Variants in RPH3AL observed in about 807,000 individuals in gnomAD.
The protein encoded by RPH3AL is rab effector Noc2.
A neutral mutation model predicts 43.1 loss-of-function variants in RPH3AL; 38 were observed. That is an observed-to-expected ratio of 0.88 (90% CI 0.68 to 1.15). RPH3AL has a LOEUF of 1.15. RPH3AL is among the 50% of genes most tolerant of loss of function. The pLI is 0.00. For missense variants in RPH3AL, 462 were observed against 423.2 expected, an observed-to-expected ratio of 1.09 and a Z score of -0.81; for synonymous variants, 189 against 176.3, an observed-to-expected ratio of 1.07 and a Z score of -0.57.
intron 6 of RPH3AL, among the ~76,000 whole-genome samples, chr17:267,538 A>G (rs904432689): frequency 3.3e-5 from 5 of 152,240 alleles, no homozygotes; most frequent in African/African-American, 1.2e-4. Flanking sequence ...ATGTTCTCCC[A>G]AGCCAAAGTG....
Position 215,583 on chromosome 17 carries a change from G to C in RPH3AL, c.876+71C>G, listed in dbSNP as rs907402292. 3 of 1,205,088 alleles carry C rather than the reference G, an allele frequency of 2.5e-6. No homozygotes were observed. Among genetic ancestry groups the C allele is most frequent in the Non-Finnish European group, 3.1e-6 (3 of 953,468 alleles). The allele number at this position is 1,205,088 out of a possible 1,614,324, so 74.6% of individuals were successfully genotyped here. A position where few individuals can be genotyped will look rare whatever the true frequency, so the allele number is the denominator to read the frequency against. On this transcript the variant is annotated intron_variant, in intron 9 of 9. Transcript: ENST00000331302. This position sits in a 1 kb window ranked among gnomAD's most constrained non-coding sequence, Gnocchi z 4.1. ...AACGTCACCGACCAGTCTCCAGTTT[G>C]GGAGGAGTGAGTGAGAGAGGACACG...
chr17:325,438 G>A (rs1458545502), intron 3 of RPH3AL, among the ~76,000 whole-genome samples: 1 of 152,010 alleles, frequency 6.6e-6, no homozygotes, highest in Admixed American at 6.5e-5. Flanking sequence ...ACAACACACT[G>A]ACCTCCGGCC....
At position 264,528 on chromosome 17, in the gene RPH3AL, C is replaced by T. The variant is rs1555547370; in HGVS notation, c.438+17240G>A. Among the ~76,000 whole-genome samples, 1 of 152,030 alleles carries T rather than the reference C, an allele frequency of 6.6e-6. No homozygotes were observed. The highest frequency in any genetic ancestry group is 1.5e-5 in the Non-Finnish European group (1 of 67,992). ...TGACAGCAGGATTACCCTTCGGAGC[C>T]GTGCGCGCTGGATGGGGACTCAGAA... On this transcript the variant is annotated intron_variant, in intron 6 of 9. Coordinates refer to ENST00000331302, the MANE Select transcript of RPH3AL (RefSeq NM_006987.4). This position sits in a 1 kb window ranked among gnomAD's most constrained non-coding sequence, Gnocchi z 4.8.
At position 320,281 on chromosome 17, in the gene RPH3AL, TCGGAGAACAC is replaced by T. The variant is rs377409040; in HGVS notation, c.222-742_222-733del. ...TGTTCCATGGGACCAGCGAAGGCTC[TCGGAGAACAC>T]GTGGACTCACAGCTGAAGAATGAGC... On this transcript the variant is annotated intron_variant, in intron 4 of 9. Coordinates refer to ENST00000331302, the MANE Select transcript of RPH3AL (RefSeq NM_006987.4). 2.5e-3 allele frequency among the ~76,000 whole-genome samples: 378 copies of T among 151,100 alleles called. 3 individuals carry two copies. Among genetic ancestry groups the T allele is most frequent in the African/African-American group, 9.0e-3 (365 of 40,768 alleles).
chr17:351,007 G>T (rs2045343219), intron 1 of RPH3AL, among the ~76,000 whole-genome samples: 2 of 152,232 alleles, frequency 1.3e-5, no homozygotes, highest in South Asian at 4.2e-4. Flanking sequence ...TCTCCTCCCA[G>T]CCCAGCCAGG....
At position 215,749 on chromosome 17, in the gene RPH3AL, A is replaced by G. The variant is rs951555587; in HGVS notation, c.781T>C (p.Ser261Pro). Reference protein sequence around the residue: ...MGFTHPPGHLSGCQSSLASGE... With the variant: ...MGFTHPPGHLPGCQSSLASGE... ...CTGGCCAGGCTGCTCTGGCACCCAG[A>G]GAGGTGGCCCGGCGGGTGGGTGAAC... The change falls in exon 9 of 10, where the codon TCT becomes CCT. Residue 261 changes from serine (S) to proline (P), a missense_variant. Physicochemically the swap from Ser to Pro is moderately conservative, Grantham distance 74. Coordinates refer to ENST00000331302, the MANE Select transcript of RPH3AL (RefSeq NM_006987.4). The surrounding 1 kb of genome is among the most constrained non-coding windows in gnomAD (Gnocchi z 4.1). The G allele has an allele frequency of 1.1e-5, 14 of 1,307,524 alleles. No homozygotes were observed. The highest frequency in any genetic ancestry group is 1.4e-5 in the Non-Finnish European group (14 of 1,024,726). 81.0% of individuals were successfully genotyped at this position (1,307,524 alleles called of 1,614,324 possible).
At chr17:233,678 CT>C (rs2041283372) in intron 7 of RPH3AL, among the ~76,000 whole-genome samples, 2 of 152,224 alleles carry the variant, frequency 1.3e-5, no homozygotes, top group African/African-American at 4.8e-5. Flanking sequence ...ACAGGCACCC[CT>C]ATTGGTCTGT....
chr17:299,170 A>C (rs1323287580), intron 5 of RPH3AL, among the ~76,000 whole-genome samples: 1 of 152,138 alleles, frequency 6.6e-6, no homozygotes, highest in Non-Finnish European at 1.5e-5. Flanking sequence ...TCTGGAACCC[A>C]GTGGGGGCCC....
At chr17:253,461 C>A (rs905159774) in intron 6 of RPH3AL, among the ~76,000 whole-genome samples, 30 of 152,146 alleles carry the variant, frequency 2.0e-4, no homozygotes, top group Non-Finnish European at 1.2e-4. Context: ...CTTTGCGGCA[C>A]CGGACCACGG....
chr17:326,584 C>T (rs2044626312), intron 3 of RPH3AL, among the ~76,000 whole-genome samples: 1 of 152,112 alleles, frequency 6.6e-6, no homozygotes, highest in Non-Finnish European at 1.5e-5. Flanking sequence ...GGCTGAGGGA[C>T]AGCAGGAAAA....
chr17:256,289 G>A (rs1205292719), intron 6 of RPH3AL, among the ~76,000 whole-genome samples: 8 of 62,532 alleles, frequency 1.3e-4, no homozygotes, highest in African/African-American at 2.9e-4. Context: ...CCCTAGGAAC[G>A]TGACTACCCT....
At chr17:262,089 G>A (rs186937765) in intron 6 of RPH3AL, 20 of 152,318 alleles carry the variant, frequency 1.3e-4, no homozygotes, top group Non-Finnish European at 2.5e-4. Context: ...ATATGACAGG[G>A]ATGAAGAAAT....
At chr17:347,503 G>A (rs2045261642) in intron 1 of RPH3AL, among the ~76,000 whole-genome samples, 1 of 151,988 alleles carries the variant, frequency 6.6e-6, no homozygotes, top group African/African-American at 2.4e-5. Flanking sequence ...AGGATGGCTT[G>A]AGCCCCAGAG....
At chr17:270,155 G>A (rs1191306752) in intron 6 of RPH3AL, among the ~76,000 whole-genome samples, 1 of 152,122 alleles carries the variant, frequency 6.6e-6, no homozygotes, top group African/African-American at 2.4e-5. Context: ...AGGCACAGAC[G>A]GTGGGGTGCT....
Position 352,701 on chromosome 17 carries a change from G to A in RPH3AL, c.-213+11C>T, listed in dbSNP as rs1001679888. The A allele has an allele frequency of 2.6e-5, 4 of 152,368 alleles. No individual in the cohort carries two copies. The highest frequency in any genetic ancestry group is 9.6e-5 in the African/African-American group (4 of 41,588). The allele number at this position is 152,368 out of a possible 1,614,324, so 9.4% of individuals were successfully genotyped here. A position where few individuals can be genotyped will look rare whatever the true frequency, so the allele number is the denominator to read the frequency against. The stretch of plus-strand genomic sequence containing the variant: ...AATGTCCTTGGAGCCATGAGACCCC[G>A]AAACACCTACCGGGAACAGAGGGGC... On this transcript the variant is annotated intron_variant, in intron 1 of 9. Coordinates refer to ENST00000331302, the MANE Select transcript of RPH3AL (RefSeq NM_006987.4).
intron 7 of RPH3AL, among the ~76,000 whole-genome samples, chr17:240,103 G>A (rs2041492506): frequency 6.6e-6 from 1 of 152,054 alleles, no homozygotes; most frequent in South Asian, 2.1e-4. Flanking sequence ...GGGGCGTGGT[G>A]GTGCAAGCCT....
In RPH3AL at chr17:274,239, G is replaced by T. The variant is rs916755017; in HGVS notation, c.438+7529C>A. Among the ~76,000 whole-genome samples, 1 of 152,248 alleles carries T rather than the reference G, an allele frequency of 6.6e-6. No homozygotes were observed. The highest frequency in any genetic ancestry group is 2.4e-5 in the African/African-American group (1 of 41,462). On this transcript the variant is annotated intron_variant, in intron 6 of 9. Coordinates refer to ENST00000331302, the MANE Select transcript of RPH3AL (RefSeq NM_006987.4). The surrounding 1 kb of genome is among the most constrained non-coding windows in gnomAD (Gnocchi z 4.7). Reference sequence around the variant, plus strand: ...AAGGCACCGCGAAACCCCAGCCCGGGGCCTCTGACAGCTCAGCACCAGGCT... The same window carrying T: ...AAGGCACCGCGAAACCCCAGCCCGGTGCCTCTGACAGCTCAGCACCAGGCT...
In RPH3AL at chr17:328,995, T is replaced by A. The variant is rs2044683135; in HGVS notation, c.-36-1416A>T. On this transcript the variant is annotated intron_variant, in intron 2 of 9. Transcript: ENST00000331302. The surrounding 1 kb of genome is among the most constrained non-coding windows in gnomAD (Gnocchi z 4.2). ...GGGTTGCAGGAAGAGGGGAACAGACTCCCAGTGGGTTCAGGACTTCTTTTT... is the reference window on the plus strand; with the variant it reads ...GGGTTGCAGGAAGAGGGGAACAGACACCCAGTGGGTTCAGGACTTCTTTTT... Among the ~76,000 whole-genome samples, 1 of 152,154 alleles carries A rather than the reference T, an allele frequency of 6.6e-6. No individual in the cohort carries two copies. The highest frequency in any genetic ancestry group is 6.5e-5 in the Admixed American group (1 of 15,274).
At chr17:244,164 C>A (rs1359376469) in intron 7 of RPH3AL, among the ~76,000 whole-genome samples, 1 of 148,986 alleles carries the variant, frequency 6.7e-6, no homozygotes, top group Non-Finnish European at 1.5e-5. Flanking sequence ...ATTACCCTTC[C>A]TCTATTGATT....
Sources: allele counts gnomAD v4.1 joint callset (sites outside exome capture counted in the v4.1 genomes callset), GRCh38; gene constraint gnomAD v4.1.1; non-coding constraint Gnocchi (gnomAD v3.1); transcripts MANE v1.5; gene names NCBI Gene and HGNC (gene_info 2026-07-23, HGNC 2026-07-21).